Variants in JAK2 observed in about 807,000 individuals in gnomAD.
The protein encoded by JAK2 is Janus kinase 2.
In JAK2, 86 loss-of-function variants were observed where a neutral mutation model predicts 139.3. The observed-to-expected ratio is 0.62, with a 90% CI of 0.52 to 0.74. The LOEUF (loss-of-function observed/expected upper bound fraction) is 0.74. Ranked by LOEUF, JAK2 falls within the 30% of genes least tolerant of loss-of-function variation. The pLI is 0.00. For missense variants in JAK2, 1,421 were observed against 1,360.3 expected (o/e 1.04, Z -0.70); for synonymous variants, 490 against 437.7 (o/e 1.12, Z -1.49).
At chr9:5,014,204 A>G (rs1321204233) in intron 2 of JAK2, among the ~76,000 whole-genome samples, 2 of 118,150 alleles carry the variant, frequency 1.7e-5, no homozygotes, top group Non-Finnish European at 1.7e-5. Flanking sequence ...GGTTCTCACT[A>G]TGTTGCCCAG....
intron 19 of JAK2, among the ~76,000 whole-genome samples, chr9:5,082,551 C>T (rs186074796): frequency 6.6e-6 from 1 of 152,220 alleles, no homozygotes; most frequent in African/African-American, 2.4e-5. Context: ...AGTGGCCTTC[C>T]TCTTTTACTA....
intron 8 of JAK2, among the ~76,000 whole-genome samples, chr9:5,063,012 G>C (rs1176484308): frequency 6.6e-6 from 1 of 151,836 alleles, no homozygotes; most frequent in Non-Finnish European, 1.5e-5. Flanking sequence ...ATTTTGTTTA[G>C]GATACCTTTT....
intron 14 of JAK2, among the ~76,000 whole-genome samples, chr9:5,074,713 A>G (rs1291045887): frequency 1.3e-5 from 2 of 152,242 alleles, no homozygotes; most frequent in Non-Finnish European, 2.9e-5. Flanking sequence ...TAAATGTTCA[A>G]GTGAAAGGAA....
chr9:5,048,566 T>C (rs1817194526), intron 5 of JAK2, among the ~76,000 whole-genome samples: 1 of 152,166 alleles, frequency 6.6e-6, no homozygotes, highest in South Asian at 2.1e-4. Flanking sequence ...AATAAGTGTT[T>C]AAAATTGAGC....
chr9:4,985,148 G>C (rs1028853419), upstream of JAK2: 1 of 152,482 alleles, frequency 6.6e-6, no homozygotes, highest in Non-Finnish European at 1.5e-5. Flanking sequence ...GGCGAAGCCA[G>C]TGTCGCCCGC....
chr9:5,085,956 T>C (rs1820067511), intron 19 of JAK2: 2 of 1,127,316 alleles, frequency 1.8e-6, no homozygotes, highest in South Asian at 2.5e-5. Context: ...AGGATCGGTG[T>C]ATTTCTCACC....
chr9:5,029,396 A>G (rs1822993737), intron 3 of JAK2, among the ~76,000 whole-genome samples: 2 of 152,238 alleles, frequency 1.3e-5, no homozygotes, highest in South Asian at 4.1e-4. Context: ...CATAACTGAT[A>G]TAATAATAAA....
At chr9:4,996,468 A>T (rs1279862446) in intron 2 of JAK2, among the ~76,000 whole-genome samples, 1 of 152,084 alleles carries the variant, frequency 6.6e-6, no homozygotes, top group Non-Finnish European at 1.5e-5. Flanking sequence ...ATAAATAAAT[A>T]AATAAAAATA....
chr9:5,032,694 C>G (rs1217479749), intron 4 of JAK2, among the ~76,000 whole-genome samples: 1 of 152,174 alleles, frequency 6.6e-6, no homozygotes, highest in Admixed American at 6.5e-5. Flanking sequence ...TCCTGACTGT[C>G]AGAAGGAAAA....
rs1364651204 is a variant in JAK2, at chr9:5,065,058, A to T, written c.1214+18A>T. 1.3e-6 allele frequency: 2 copies of T among 1,489,406 alleles called. No individual in the cohort carries two copies. Among genetic ancestry groups the T allele is most frequent in the Non-Finnish European group, 1.8e-6 (2 of 1,111,010 alleles). The allele number at this position is 1,489,406 out of a possible 1,614,324, so 92.3% of individuals were successfully genotyped here. On this transcript the variant is annotated intron_variant, in intron 9 of 24. Coordinates refer to ENST00000381652, the MANE Select transcript of JAK2 (RefSeq NM_004972.4). ...CCAATTTCGTGAGTAATACAGACTTAAAAGTAAATTTTTAGAAAAGTAAAT... is the reference window on the plus strand; with the variant it reads ...CCAATTTCGTGAGTAATACAGACTTTAAAGTAAATTTTTAGAAAAGTAAAT...
intron 22 of JAK2, among the ~76,000 whole-genome samples, chr9:5,120,122 GCT>G (rs2130842532): frequency 6.6e-6 from 1 of 152,344 alleles, no homozygotes; most frequent in East Asian, 1.9e-4. Flanking sequence ...GGTGAGAGCT[GCT>G]CTCTTCTTTC....
chr9:5,034,883 G>C (rs771082237), intron 4 of JAK2, among the ~76,000 whole-genome samples: 2 of 151,954 alleles, frequency 1.3e-5, no homozygotes, highest in South Asian at 2.1e-4. Flanking sequence ...AAATAACTGA[G>C]ATCAGAGCAG....
In JAK2 at chr9:5,128,196, T is replaced by C. The variant is rs758318074; in HGVS notation, c.*1405T>C. ...GTTTCTTACTTTATTTTTACTGGTA[T>C]GTTCTACTTTTTTGAAAGTTGTACT... On this transcript the variant is annotated 3_prime_UTR_variant, in exon 25 of 25. Coordinates refer to ENST00000381652, the MANE Select transcript of JAK2 (RefSeq NM_004972.4). The C allele has an allele frequency of 3.9e-5, 9 of 231,938 alleles. No homozygotes were observed. The highest frequency in any genetic ancestry group is 3.4e-5 in the Non-Finnish European group (4 of 117,192). The allele number at this position is 231,938 out of a possible 1,614,324, so 14.4% of individuals were successfully genotyped here.
intron 2 of JAK2, among the ~76,000 whole-genome samples, chr9:5,001,094 AT>A (rs1490156630): frequency 6.6e-6 from 1 of 152,140 alleles, no homozygotes; most frequent in East Asian, 1.9e-4. Context: ...AGTTCTAGTA[AT>A]TTTTTGGTAG....
At chr9:5,043,271 T>C (rs965931071) in intron 4 of JAK2, among the ~76,000 whole-genome samples, 7 of 151,868 alleles carry the variant, frequency 4.6e-5, no homozygotes, top group Non-Finnish European at 8.8e-5. Context: ...GGCGTTTACG[T>C]TTCTCTGATG....
chr9:4,999,678 G>A (rs1219608865), intron 2 of JAK2, among the ~76,000 whole-genome samples: 3 of 152,112 alleles, frequency 2.0e-5, no homozygotes, highest in African/African-American at 7.2e-5. Context: ...GGCAGGAAGC[G>A]TCTTGGCTAA....
At chr9:5,067,549 T>C (rs1390752230) in intron 10 of JAK2, among the ~76,000 whole-genome samples, 1 of 152,100 alleles carries the variant, frequency 6.6e-6, no homozygotes, top group East Asian at 1.9e-4. Flanking sequence ...AGGGAGGTTA[T>C]GCCATCACTT....
At chr9:5,095,290 C>G (rs1039379955) in intron 22 of JAK2, among the ~76,000 whole-genome samples, 1 of 152,104 alleles carries the variant, frequency 6.6e-6, no homozygotes, top group African/African-American at 2.4e-5. Context: ...CATCACAATG[C>G]TACGCTCACA....
At chr9:5,106,866 A>G (rs796954884) in intron 22 of JAK2, among the ~76,000 whole-genome samples, 7 of 152,258 alleles carry the variant, frequency 4.6e-5, no homozygotes, top group African/African-American at 1.7e-4. Flanking sequence ...ACTTGGACAC[A>G]TGGCAGGGAA....
Sources: gnomAD v4.1 joint callset for allele counts (sites outside exome capture counted in the v4.1 genomes callset) on GRCh38, gnomAD v4.1.1 for gene constraint, MANE v1.5 for transcripts, NCBI Gene and HGNC (gene_info 2026-07-23, HGNC 2026-07-21) for gene names.